Variants in GRIA2 observed in about 807,000 individuals in gnomAD.
The protein encoded by GRIA2 is glutamate receptor 2.
Under a neutral mutation model 97.3 loss-of-function variants are expected in GRIA2, and 14 were observed. That is an observed-to-expected ratio of 0.14 (90% confidence interval 0.10 to 0.23). The LOEUF (loss-of-function observed/expected upper bound fraction) is 0.23, where lower values mean the gene tolerates loss of function less well. GRIA2 is among the 10% of genes least tolerant of loss of function. GRIA2 has a pLI of 1.00. For synonymous variants in GRIA2, 412 were observed against 387.8 expected, an observed-to-expected ratio of 1.06 and a Z score of -0.73; for missense variants, 558 against 1,069.8, an observed-to-expected ratio of 0.52 and a Z score of 6.67.
At chr4:157,285,659 T>C (rs1328913164) in intron 2 of GRIA2, among the ~76,000 whole-genome samples, 2 of 151,434 alleles carry the variant, frequency 1.3e-5, no homozygotes, top group Non-Finnish European at 1.5e-5. Flanking sequence ...TCAACTTTGC[T>C]ACAATGCTAC....
At chr4:157,304,177 T>G (rs1469418774) in intron 3 of GRIA2, among the ~76,000 whole-genome samples, 1 of 152,184 alleles carries the variant, frequency 6.6e-6, no homozygotes, top group Non-Finnish European at 1.5e-5. Context: ...TATTAAATAT[T>G]GTTATATGCA....
At chr4:157,341,901 A>T (rs1579378064) in intron 12 of GRIA2, among the ~76,000 whole-genome samples, 1 of 152,268 alleles carries the variant, frequency 6.6e-6, no homozygotes, top group East Asian at 1.9e-4. Flanking sequence ...GACTATGTTC[A>T]TATGTGTCGA....
chr4:157,274,498 C>T (rs1732188294), intron 2 of GRIA2, among the ~76,000 whole-genome samples: 1 of 151,436 alleles, frequency 6.6e-6, no homozygotes, highest in Admixed American at 6.6e-5. Flanking sequence ...GGTGTATCTC[C>T]TAATGCTATC....
At chr4:157,355,528 CA>C (rs200295414) in intron 12 of GRIA2, among the ~76,000 whole-genome samples, 37 of 121,026 alleles carry the variant, frequency 3.1e-4, no homozygotes, top group African/African-American at 5.6e-4. Context: ...GACTTCATGT[CA>C]AAAAAAAAAA....
intron 2 of GRIA2, among the ~76,000 whole-genome samples, chr4:157,285,557 TTGTGTGTGTG>T (rs149477258): frequency 6.8e-6 from 1 of 147,222 alleles, no homozygotes; most frequent in East Asian, 2.0e-4. Context: ...CCTATAATAT[TTGTGTGTGTG>T]TGTGTGTGTG....
intron 2 of GRIA2, among the ~76,000 whole-genome samples, chr4:157,295,147 C>A (rs979572877): frequency 3.3e-5 from 5 of 152,044 alleles, no homozygotes; most frequent in African/African-American, 1.2e-4. Context: ...TTTAAAGCTG[C>A]ATATAATATG....
Position 157,327,688 on chromosome 4 carries a change from T to G in GRIA2, c.883-5131T>G, listed in dbSNP as rs549113637. Among the ~76,000 whole-genome samples, 132 of 152,234 alleles carry G rather than the reference T, an allele frequency of 8.7e-4. 1 individual carries two copies. The highest frequency in any genetic ancestry group is 1.4e-3 in the Admixed American group (21 of 15,274). ...TTTTGTGTCTTCAGTCTCCTACTGG[T>G]GTTAAGGAATTCAACAATAATCTGT... On this transcript the variant is annotated intron_variant, in intron 6 of 15. Coordinates refer to ENST00000264426, the MANE Select transcript of GRIA2 (RefSeq NM_001083619.3).
chr4:157,274,834 G>A (rs1245048841), intron 2 of GRIA2, among the ~76,000 whole-genome samples: 1 of 151,996 alleles, frequency 6.6e-6, no homozygotes, highest in African/African-American at 2.4e-5. Context: ...ACATACGTAT[G>A]CATGTGTCTT....
intron 2 of GRIA2, among the ~76,000 whole-genome samples, chr4:157,265,779 G>A (rs1458680754): frequency 6.6e-6 from 1 of 152,088 alleles, no homozygotes; most frequent in East Asian, 1.9e-4. Context: ...ATCTAGCAAG[G>A]CCTCATAGCA....
intron 2 of GRIA2, among the ~76,000 whole-genome samples, chr4:157,284,699 T>G (rs1324697890): frequency 1.3e-5 from 2 of 151,724 alleles, no homozygotes; most frequent in Admixed American, 6.6e-5. Flanking sequence ...TTTTCAAATT[T>G]ATGCAAGCAG....
At chr4:157,229,291 T>C (rs1729895248) in intron 2 of GRIA2, among the ~76,000 whole-genome samples, 1 of 152,240 alleles carries the variant, frequency 6.6e-6, no homozygotes, top group South Asian at 2.1e-4. Flanking sequence ...TTTCATTCTG[T>C]GGATAATTTT....
chr4:157,350,037 C>T (rs780950462), intron 12 of GRIA2, among the ~76,000 whole-genome samples: 19 of 151,994 alleles, frequency 1.3e-4, no homozygotes, highest in Non-Finnish European at 2.4e-4. Context: ...CTTATGAATT[C>T]GTTAAGAGTC....
At chr4:157,256,176 T>A (rs1462371291) in intron 2 of GRIA2, among the ~76,000 whole-genome samples, 5 of 137,014 alleles carry the variant, frequency 3.6e-5, no homozygotes, top group East Asian at 2.0e-4. Flanking sequence ...TGTTATATAT[T>A]ATATATAATA....
intron 2 of GRIA2, among the ~76,000 whole-genome samples, chr4:157,237,703 G>A (rs1426386157): frequency 1.3e-5 from 2 of 152,076 alleles, no homozygotes; most frequent in African/African-American, 4.8e-5. Context: ...GTCATGCAAG[G>A]CATTTGTTTC....
chr4:157,291,802 AG>A (rs1733118032), intron 2 of GRIA2, among the ~76,000 whole-genome samples: 1 of 151,996 alleles, frequency 6.6e-6, no homozygotes, highest in Non-Finnish European at 1.5e-5. Context: ...CTCACCTAGA[AG>A]AATCCAAAAG....
At position 157,336,466 on chromosome 4, in the gene GRIA2, A is replaced by C. The variant is rs1278685536; in HGVS notation, c.1563A>C (p.Ile521=). The C allele has an allele frequency of 6.2e-7, 1 of 1,613,060 alleles. No homozygotes were observed. Among genetic ancestry groups the C allele is most frequent in the Admixed American group, 1.7e-5 (1 of 59,934 alleles). ...CAAAGCCCTTCATGAGCCTCGGGATATCTATCATGATCAAGAAGCCTCAGA... is the reference window on the plus strand; with the variant it reads ...CAAAGCCCTTCATGAGCCTCGGGATCTCTATCATGATCAAGAAGCCTCAGA... The part of the protein sequence containing the change: ...DFSKPFMSLG[I]SIMIKKPQKS... The change falls in exon 11 of 16, where the codon ATA becomes ATC. Residue 521 remains isoleucine, a synonymous_variant. Coordinates refer to ENST00000264426, the MANE Select transcript of GRIA2 (RefSeq NM_001083619.3).
chr4:157,229,652 G>A (rs757719395), intron 2 of GRIA2, among the ~76,000 whole-genome samples: 2 of 151,896 alleles, frequency 1.3e-5, no homozygotes, highest in Non-Finnish European at 2.9e-5. Flanking sequence ...TATATTTATG[G>A]TTATGTTAAT....
chr4:157,327,350 C>T (rs543513543), intron 6 of GRIA2, among the ~76,000 whole-genome samples: 1 of 152,202 alleles, frequency 6.6e-6, no homozygotes, highest in Non-Finnish European at 1.5e-5. Flanking sequence ...TAGATTTCTG[C>T]ATGTGTCCTC....
chr4:157,301,861 T>C (rs1191498173), intron 2 of GRIA2, among the ~76,000 whole-genome samples: 2 of 152,038 alleles, frequency 1.3e-5, no homozygotes, highest in Non-Finnish European at 2.9e-5. Flanking sequence ...TTGAGAAATA[T>C]CAGCTATTTA....
Sources: allele counts gnomAD v4.1 joint callset (sites outside exome capture counted in the v4.1 genomes callset), GRCh38; gene constraint gnomAD v4.1.1; transcripts MANE v1.5; gene names NCBI Gene and HGNC (gene_info 2026-07-23, HGNC 2026-07-21).